ZC3H13: variants seen among roughly 807,000 people sequenced by gnomAD.
The protein encoded by ZC3H13 is zinc finger CCCH domain-containing protein 13.
A neutral mutation model predicts 204.1 loss-of-function variants in ZC3H13; 64 were observed. The observed-to-expected ratio is 0.31, with a 90% CI of 0.26 to 0.39. The LOEUF is 0.39. Among genes scored for constraint, ZC3H13 ranks in the 10% least tolerant of loss-of-function variants. The pLI, the probability that ZC3H13 is intolerant of heterozygous loss-of-function variation, is 1.00. For synonymous variants in ZC3H13, 667 were observed against 693.7 expected (o/e 0.96, Z 0.60); for missense variants, 1,833 against 2,082.7 (o/e 0.88, Z 2.33).
At chr13:46,001,626 A>T (rs751549974) in intron 8 of ZC3H13, among the ~76,000 whole-genome samples, 2 of 152,218 alleles carry the variant, frequency 1.3e-5, no homozygotes, top group Admixed American at 6.5e-5. Context: ...CTCATAACAC[A>T]AATGTTTTTA....
intron 7 of ZC3H13, among the ~76,000 whole-genome samples, chr13:46,004,140 CTGTGTG>C (rs113622879): frequency 2.7e-5 from 4 of 149,580 alleles, no homozygotes; most frequent in African/African-American, 4.9e-5. Context: ...AATGGTAACT[CTGTGTG>C]TGTGTGTGTG....
chr13:46,029,555 A>G (rs2042754306), intron 4 of ZC3H13, among the ~76,000 whole-genome samples: 1 of 150,892 alleles, frequency 6.6e-6, no homozygotes, highest in Non-Finnish European at 1.5e-5. Flanking sequence ...CAGCCTCCCG[A>G]GTAGCTGGGA....
At chr13:45,959,436 C>T in intron 18 of ZC3H13, 47 bp downstream of exon 18, 2 of 1,443,750 alleles carry the variant, frequency 1.4e-6, no homozygotes, top group Non-Finnish European at 9.1e-7. Context: ...GAAAAATAGG[C>T]CATTCACACT....
intron 10 of ZC3H13, among the ~76,000 whole-genome samples, chr13:45,983,963 C>T (rs1446040956): frequency 6.6e-6 from 1 of 152,144 alleles, no homozygotes; most frequent in African/African-American, 2.4e-5. Flanking sequence ...TTAAAAGACA[C>T]CATTTAGTGA....
At chr13:46,004,636 A>G (rs1287312712) in intron 7 of ZC3H13, among the ~76,000 whole-genome samples, 1 of 152,164 alleles carries the variant, frequency 6.6e-6, no homozygotes, top group Non-Finnish European at 1.5e-5. Flanking sequence ...TTCTAAAACA[A>G]TTTCATAGTT....
At position 46,003,136 on chromosome 13, in the gene ZC3H13, T is replaced by TA; in HGVS notation, c.944+2dup. 6.2e-7 allele frequency: 1 copy of TA among 1,608,444 alleles called. No homozygotes were observed. The highest frequency in any genetic ancestry group is 8.5e-7 in the Non-Finnish European group (1 of 1,179,112). On this transcript the variant is annotated splice_region_variant and intron_variant, in intron 8 of 18. Transcript: ENST00000679008. ...ATTGTTAAAAACATACAATCCTACT[T>TA]ACCTTGGCTTGTCTCTCTTTTCTCT...
chr13:45,995,327 A>T (rs2040255275), intron 8 of ZC3H13, among the ~76,000 whole-genome samples: 1 of 152,228 alleles, frequency 6.6e-6, no homozygotes, highest in South Asian at 2.1e-4. Flanking sequence ...CTCTTTCTAG[A>T]TATGAGTTTC....
chr13:46,047,263 TTG>T (rs756282808), intron 1 of ZC3H13, among the ~76,000 whole-genome samples: 2 of 152,272 alleles, frequency 1.3e-5, no homozygotes, highest in South Asian at 4.1e-4. Flanking sequence ...TGATTTTAAA[TTG>T]GAAAATCTAT....
chr13:45,985,802 A>G (rs1954133466), intron 9 of ZC3H13, 41 bp from the exon 10 acceptor site: 1 of 1,519,258 alleles, frequency 6.6e-7, no homozygotes, highest in South Asian at 1.3e-5. Flanking sequence ...TTGCTTTTAC[A>G]AAGTTTCAGG....
intron 18 of ZC3H13, among the ~76,000 whole-genome samples, chr13:45,958,216 C>G (rs970532201): frequency 6.6e-6 from 1 of 152,140 alleles, no homozygotes; most frequent in Non-Finnish European, 1.5e-5. Flanking sequence ...TCCCCCCTAC[C>G]CACTACCCTA....
At chr13:45,980,062 A>G in intron 10 of ZC3H13, 58 bp from the exon 11 acceptor site, 1 of 1,418,800 alleles carries the variant, frequency 7.0e-7, no homozygotes, top group Middle Eastern at 2.1e-4. Flanking sequence ...AACAAATTTC[A>G]TCAGTCATAA....
chr13:45,997,014 T>C (rs1006844278), intron 8 of ZC3H13, among the ~76,000 whole-genome samples: 2 of 152,144 alleles, frequency 1.3e-5, no homozygotes, highest in African/African-American at 2.4e-5. Flanking sequence ...CTCTGTAGAG[T>C]AGGTCACGGA....
Position 45,979,310 on chromosome 13 carries a change from A to G in ZC3H13, c.1912+503T>C, listed in dbSNP as rs372964110. Among the ~76,000 whole-genome samples the G allele has an allele frequency of 2.0e-5, 3 of 152,260 alleles. No homozygotes were observed. The East Asian group carries it at 5.8e-4, about 29-fold the overall frequency. On this transcript the variant is annotated intron_variant, in intron 11 of 18. Coordinates refer to ENST00000679008, the MANE Select transcript of ZC3H13 (RefSeq NM_001330564.2). The stretch of plus-strand genomic sequence containing the variant: ...ACATATAAGAACGTAAAATTAGCTA[A>G]AGCAAATACCATATCTTCTCAGGAC...
rs1398298867 is a variant in ZC3H13 at position 46,042,197 on chromosome 13, T to C, written c.306A>G (p.Lys102=). 1 of 1,613,540 alleles carries C rather than the reference T, an allele frequency of 6.2e-7. No homozygotes were observed. Among genetic ancestry groups the C allele is most frequent in the Admixed American group, 1.7e-5 (1 of 59,996 alleles). ...KRQDVDTEPQ[K]RNTEESSSPV... ...GTGAGGATGACTCCTCTGTATTTCGTTTCTGGGGCTCAGTGTCCACGTCTT... is the reference window on the plus strand; with the variant it reads ...GTGAGGATGACTCCTCTGTATTTCGCTTCTGGGGCTCAGTGTCCACGTCTT... Residue 102 remains lysine (K), a synonymous_variant, in exon 4 of 19, where the codon AAA becomes AAG. Coordinates refer to ENST00000679008, the MANE Select transcript of ZC3H13 (RefSeq NM_001330564.2).
At chr13:45,982,920 C>T (rs1953781069) in intron 10 of ZC3H13, among the ~76,000 whole-genome samples, 1 of 152,092 alleles carries the variant, frequency 6.6e-6, no homozygotes, top group African/African-American at 2.4e-5. Context: ...AAAGAAATAA[C>T]TCAATTTACG....
In ZC3H13 at chr13:45,957,174, T is replaced by A; in HGVS notation, c.4963A>T (p.Asn1655Tyr). The change falls in exon 19 of 19, where the codon AAT becomes TAT. Residue 1655 changes from asparagine (N) to tyrosine (Y), a missense_variant. Physicochemically the swap from Asn to Tyr is moderately radical, Grantham distance 143. Coordinates refer to ENST00000679008, the MANE Select transcript of ZC3H13 (RefSeq NM_001330564.2). ...TGGATACTGGACTGTGAAAGTTTAT[T>A]ATCTTCAGTCTTTTCATGTCCTGGA... ...HAPGHEKTED[N>Y]KLSQSSIQQE... is the part of the protein sequence containing the mutation. 6.5e-7 allele frequency: 1 copy of A among 1,547,554 alleles called. No individual in the cohort carries two copies. Among genetic ancestry groups the A allele is most frequent in the South Asian group, 1.2e-5 (1 of 83,132 alleles).
intron 9 of ZC3H13, among the ~76,000 whole-genome samples, chr13:45,985,984 A>G (rs77821963): frequency 5.9e-4 from 90 of 152,242 alleles, no homozygotes; most frequent in Non-Finnish European, 1.0e-3. Flanking sequence ...ACTTACCTAT[A>G]CTGCCCCAAC....
chr13:45,991,921 A>G (rs1279460863), intron 8 of ZC3H13, among the ~76,000 whole-genome samples: 1 of 152,102 alleles, frequency 6.6e-6, no homozygotes, highest in Non-Finnish European at 1.5e-5. Flanking sequence ...AAAAATAAAA[A>G]CTCTCATTCA....
At chr13:46,045,302 A>C (rs1342959660) in intron 2 of ZC3H13, 89 bp downstream of exon 2, 1 of 1,226,122 alleles carries the variant, frequency 8.2e-7, no homozygotes. Context: ...TCCTACAATA[A>C]AACAACCTGT....
Sources: gnomAD v4.1 joint callset for allele counts (sites outside exome capture counted in the v4.1 genomes callset) on GRCh38, gnomAD v4.1.1 for gene constraint, MANE v1.5 for transcripts, NCBI Gene and HGNC (gene_info 2026-07-23, HGNC 2026-07-21) for gene names.